The following RUNDC3A variants were observed in gnomAD, a reference collection of about 807,000 sequenced individuals.
RUNDC3A encodes RUN domain containing 3A.
In RUNDC3A, 28 loss-of-function variants were observed where a neutral mutation model predicts 53.9. The observed-to-expected ratio is 0.52, with a 90% CI of 0.38 to 0.71. RUNDC3A has a LOEUF of 0.71. RUNDC3A is among the 30% of genes least tolerant of loss of function. The probability of loss-of-function intolerance (pLI) is 0.00; values close to 1 mark genes in which losing one functional copy is unlikely to be tolerated. For synonymous variants in RUNDC3A, 232 were observed against 249.4 expected (o/e 0.93, Z 0.66); for missense variants, 491 against 597.3 (o/e 0.82, Z 1.85).
chr17:44,315,346 G>T lies in RUNDC3A; in HGVS notation c.795+26G>T. 7.5e-7 allele frequency: 1 copy of T among 1,341,730 alleles called. No individual in the cohort carries two copies. The highest frequency in any genetic ancestry group is 9.6e-7 in the Non-Finnish European group (1 of 1,039,718). The allele number at this position is 1,341,730 out of a possible 1,614,324, so 83.1% of individuals were successfully genotyped here. A position where few individuals can be genotyped will look rare whatever the true frequency, so the allele number is the denominator to read the frequency against. On this transcript the variant is annotated intron_variant, in intron 7 of 10. Transcript: ENST00000426726. This position sits in a 1 kb window ranked among gnomAD's most constrained non-coding sequence, Gnocchi z 6.1. ...GTGCGCGACGCCGGCGGGCCCGGGGGGCGGGCGGGCCGGGCGGGGGATCCG... is the reference window on the plus strand; with the variant it reads ...GTGCGCGACGCCGGCGGGCCCGGGGTGCGGGCGGGCCGGGCGGGGGATCCG...
chr17:44,315,261 A>G lies in RUNDC3A; in HGVS notation c.736A>G (p.Ser246Gly). The G allele has an allele frequency of 6.5e-7, 1 of 1,550,238 alleles. No homozygotes were observed. Among genetic ancestry groups the G allele is most frequent in the Non-Finnish European group, 8.7e-7 (1 of 1,146,676 alleles). The change falls in exon 7 of 11, where the codon AGC becomes GGC. Residue 246 changes from serine to glycine, a missense_variant. Coordinates refer to ENST00000426726, the MANE Select transcript of RUNDC3A (RefSeq NM_001144825.2). The surrounding 1 kb of genome is among the most constrained non-coding windows in gnomAD (Gnocchi z 6.1). ...CCTCCCGCTCGTCACCGATGAGGAC[A>G]GCTGGTACAGCAAGTGGCACAAGAT... ...PYLPLVTDED[S>G]WYSKWHKMEQ...
chr17:44,315,457 C>T lies in RUNDC3A; in HGVS notation c.801C>T (p.Tyr267=). 6.7e-7 allele frequency: 1 copy of T among 1,487,374 alleles called. No homozygotes were observed. The highest frequency in any genetic ancestry group is 8.9e-7 in the Non-Finnish European group (1 of 1,119,614). 92.1% of individuals were successfully genotyped at this position (1,487,374 alleles called of 1,614,324 possible). ...GCTGAGCCGGCGCCCCGCAGGGCTA[C>T]CTGGAGGAGCTGGTGCGTCTGCGCG... ...KFRIVYAQKG[Y]LEELVRLRES... is the part of the protein sequence containing the mutation. The change falls in exon 8 of 11, where the codon TAC becomes TAT. Residue 267 remains tyrosine (Y), a synonymous_variant. Transcript: ENST00000426726. This position sits in a 1 kb window ranked among gnomAD's most constrained non-coding sequence, Gnocchi z 6.1.
Position 44,318,367 on chromosome 17 carries a change from G to A in RUNDC3A, c.*129G>A, listed in dbSNP as rs578158745. On this transcript the variant is annotated 3_prime_UTR_variant, in exon 11 of 11. Transcript: ENST00000426726. ...CTACCCACCCAGCCAGGGTTCTCTC[G>A]GGGAAGATCTCGTCTGCTCACCTTA... The A allele has an allele frequency of 2.7e-5, 29 of 1,073,192 alleles. No individual in the cohort carries two copies. Among genetic ancestry groups the A allele is most frequent in the South Asian group, 7.7e-5 (5 of 65,012 alleles). The allele number at this position is 1,073,192 out of a possible 1,614,324, so 66.5% of individuals were successfully genotyped here.
chr17:44,318,564 C>T lies in RUNDC3A; in HGVS notation c.*326C>T. ...AGGAACTGGTGGCCCAGCTTCCACA[C>T]CCCCACCTCCCAGTCTCTAGCCTCT... On this transcript the variant is annotated 3_prime_UTR_variant, in exon 11 of 11. Coordinates refer to ENST00000426726, the MANE Select transcript of RUNDC3A (RefSeq NM_001144825.2). 3.1e-6 allele frequency: 1 copy of T among 324,730 alleles called. No homozygotes were observed. The highest frequency in any genetic ancestry group is 5.8e-6 in the Non-Finnish European group (1 of 171,044). The allele number at this position is 324,730 out of a possible 1,614,324, so 20.1% of individuals were successfully genotyped here. A position where few individuals can be genotyped will look rare whatever the true frequency, so the allele number is the denominator to read the frequency against.
chr17:44,315,495 A>C lies in RUNDC3A; in HGVS notation c.839A>C (p.Lys280Thr). The C allele has an allele frequency of 6.6e-7, 1 of 1,512,668 alleles. No homozygotes were observed. Among genetic ancestry groups the C allele is most frequent in the Admixed American group, 2.1e-5 (1 of 46,512 alleles). The allele number at this position is 1,512,668 out of a possible 1,614,324, so 93.7% of individuals were successfully genotyped here. Residue 280 changes from lysine (K) to threonine (T), a missense_variant, in exon 8 of 11, where the codon AAG becomes ACG. Coordinates refer to ENST00000426726, the MANE Select transcript of RUNDC3A (RefSeq NM_001144825.2). This position sits in a 1 kb window ranked among gnomAD's most constrained non-coding sequence, Gnocchi z 6.1. ...GTGCGTCTGCGCGAGTCGCAGCTGAAGGACCTGGAGGCGGAGAACCGGCGG... is the reference window on the plus strand; with the variant it reads ...GTGCGTCTGCGCGAGTCGCAGCTGACGGACCTGGAGGCGGAGAACCGGCGG... ...ELVRLRESQL[K>T]DLEAENRRLQ...
intron 10 of RUNDC3A, chr17:44,317,738 C>T (rs1281201625): frequency 1.1e-5 from 7 of 613,350 alleles, no homozygotes; most frequent in African/African-American, 1.8e-5. Context: ...GTGTGTCTGT[C>T]TCCCCCACCA....
In RUNDC3A at chr17:44,316,731, C is replaced by G. The variant is rs890063863; in HGVS notation, c.1198+6C>G. 1.3e-6 allele frequency: 2 copies of G among 1,544,020 alleles called. No homozygotes were observed. The highest frequency in any genetic ancestry group is 2.7e-5 in the African/African-American group (2 of 72,884). ...GGAGCCCTGGGGTCCCATCGGTGAGCTCCCCCAACCCAACACCCAGTACCC... is the reference window on the plus strand; with the variant it reads ...GGAGCCCTGGGGTCCCATCGGTGAGGTCCCCCAACCCAACACCCAGTACCC... On this transcript the variant is annotated splice_donor_region_variant and intron_variant, in intron 10 of 10. Coordinates refer to ENST00000426726, the MANE Select transcript of RUNDC3A (RefSeq NM_001144825.2).
At chr17:44,317,496 C>T (rs759120800) in intron 10 of RUNDC3A, 2 of 780,870 alleles carry the variant, frequency 2.6e-6, no homozygotes, top group South Asian at 2.7e-5. Context: ...AAGCTCAGAG[C>T]CAAATTAGTG....
chr17:44,313,795 C>T (rs974995409), intron 4 of RUNDC3A: 2 of 879,114 alleles, frequency 2.3e-6, no homozygotes, highest in African/African-American at 3.6e-5. Context: ...GATTCTCCTG[C>T]CTCAGCCTCC....
rs1365922440 is a variant in RUNDC3A at position 44,315,875 on chromosome 17, T to G, written c.953+266T>G. Among the ~76,000 whole-genome samples, 1 of 151,990 alleles carries G rather than the reference T, an allele frequency of 6.6e-6. No homozygotes were observed. Among genetic ancestry groups the G allele is most frequent in the Non-Finnish European group, 1.5e-5 (1 of 68,004 alleles). The stretch of plus-strand genomic sequence containing the variant: ...CTTCCGCTAGAGTGGCCATCCAACC[T>G]TACTGCAGGGACCCCACGTCACTCA... On this transcript the variant is annotated intron_variant, in intron 8 of 10. Transcript: ENST00000426726. The surrounding 1 kb of genome is among the most constrained non-coding windows in gnomAD (Gnocchi z 6.1).
chr17:44,316,239 C>G, intron 8 of RUNDC3A, 146 bp from the exon 9 acceptor site: 1 of 689,714 alleles, frequency 1.4e-6, no homozygotes, highest in South Asian at 1.9e-5. Context: ...CACTTCCTCC[C>G]GGGATCTGGC....
intron 10 of RUNDC3A, chr17:44,317,271 A>G: frequency 1.6e-6 from 1 of 617,598 alleles, no homozygotes; most frequent in Non-Finnish European, 2.9e-6. Flanking sequence ...AGCTTGGTCA[A>G]TCACTTTACC....
Position 44,315,366 on chromosome 17 carries a change from G to T in RUNDC3A, c.795+46G>T, listed in dbSNP as rs1337039971. ...CGGGGGGCGGGCGGGCCGGGCGGGG[G>T]ATCCGGGCATCCCGGGGCGGGGCGG... On this transcript the variant is annotated intron_variant, in intron 7 of 10. Coordinates refer to ENST00000426726, the MANE Select transcript of RUNDC3A (RefSeq NM_001144825.2). This position sits in a 1 kb window ranked among gnomAD's most constrained non-coding sequence, Gnocchi z 6.1. 1 of 1,204,122 alleles carries T rather than the reference G, an allele frequency of 8.3e-7. No individual in the cohort carries two copies. 74.6% of individuals were successfully genotyped at this position (1,204,122 alleles called of 1,614,324 possible). A position where few individuals can be genotyped will look rare whatever the true frequency, so the allele number is the denominator to read the frequency against.
At position 44,316,855 on chromosome 17, in the gene RUNDC3A, C is replaced by T. The variant is rs1295425265; in HGVS notation, c.1198+130C>T. 6.4e-6 allele frequency: 4 copies of T among 623,468 alleles called. No individual in the cohort carries two copies. In the African/African-American group the frequency reaches 8.1e-5, roughly 13 times the overall value. 38.6% of individuals were successfully genotyped at this position (623,468 alleles called of 1,614,324 possible). Reference sequence around the variant, plus strand: ...TTTTTTTTTTTGAGACGGAGTCTCACTCTGTCATCCAAGTTGGAGTGCAGT... The same window carrying T: ...TTTTTTTTTTTGAGACGGAGTCTCATTCTGTCATCCAAGTTGGAGTGCAGT... On this transcript the variant is annotated intron_variant, in intron 10 of 10. Transcript: ENST00000426726.
chr17:44,317,550 G>T (rs2047893220), intron 10 of RUNDC3A: 1 of 780,724 alleles, frequency 1.3e-6, no homozygotes, highest in Non-Finnish European at 2.4e-6. Context: ...CATGCACTTT[G>T]TGTTGACCTC....
chr17:44,313,147 G>C lies in RUNDC3A; in HGVS notation c.267G>C (p.Gly89=), dbSNP rs912142442. The stretch of plus-strand genomic sequence containing the variant: ...CAGTGAGCTGGTTCAGCTCAGACGG[G>C]CAGCGGGGCTTTTGGGACTATATCC... ...AGPVSWFSSD[G]QRGFWDYIRL... The change falls in exon 3 of 11, where the codon GGG becomes GGC. Residue 89 remains glycine (G), a synonymous_variant. Coordinates refer to ENST00000426726, the MANE Select transcript of RUNDC3A (RefSeq NM_001144825.2). 1 of 1,613,954 alleles carries C rather than the reference G, an allele frequency of 6.2e-7. No individual in the cohort carries two copies.
At position 44,315,100 on chromosome 17, in the gene RUNDC3A, C is replaced by T. The variant is rs2047830831; in HGVS notation, c.630-55C>T. ...GTCCCACCGCCCTCAGCGGCCAGCGCAGACGCGCGGGGGGAGGGGCGGGAC... is the reference window on the plus strand; with the variant it reads ...GTCCCACCGCCCTCAGCGGCCAGCGTAGACGCGCGGGGGGAGGGGCGGGAC... On this transcript the variant is annotated intron_variant, in intron 6 of 10. Transcript: ENST00000426726. The surrounding 1 kb of genome is among the most constrained non-coding windows in gnomAD (Gnocchi z 6.1). The T allele has an allele frequency of 6.2e-7, 1 of 1,604,332 alleles. No individual in the cohort carries two copies.
Position 44,315,459 on chromosome 17 carries a change from TG to T in RUNDC3A, c.805del (p.Glu269ArgfsTer11). The T allele has an allele frequency of 6.7e-7, 1 of 1,487,788 alleles. No homozygotes were observed. Among genetic ancestry groups the T allele is most frequent in the Non-Finnish European group, 8.9e-7 (1 of 1,119,830 alleles). The allele number at this position is 1,487,788 out of a possible 1,614,324, so 92.2% of individuals were successfully genotyped here. A position where few individuals can be genotyped will look rare whatever the true frequency, so the allele number is the denominator to read the frequency against. ...FRIVYAQKGYLEELVRLRESQ... is the reference protein window; with the variant it reads ...FRIVYAQKGYXEELVRLRESQ... ...TGAGCCGGCGCCCCGCAGGGCTACC[TG>T]GAGGAGCTGGTGCGTCTGCGCGAGT... On this transcript the variant is annotated frameshift_variant, in exon 8 of 11. Transcript: ENST00000426726. LOFTEE classifies it high-confidence loss of function. This position sits in a 1 kb window ranked among gnomAD's most constrained non-coding sequence, Gnocchi z 6.1.
chr17:44,314,781 A>G lies in RUNDC3A; in HGVS notation c.505A>G (p.Ile169Val). The G allele has an allele frequency of 6.2e-7, 1 of 1,609,928 alleles. No individual in the cohort carries two copies. Among genetic ancestry groups the G allele is most frequent in the Non-Finnish European group, 8.5e-7 (1 of 1,179,046 alleles). Residue 169 changes from isoleucine to valine, a missense_variant, in exon 5 of 11, where the codon ATC becomes GTC. Physicochemically the swap from Ile to Val is conservative, Grantham distance 29 (BLOSUM62 3). Coordinates refer to ENST00000426726, the MANE Select transcript of RUNDC3A (RefSeq NM_001144825.2). The stretch of plus-strand genomic sequence containing the variant: ...CATCATGCTGCGGGATGAAGCCACC[A>G]TCCTCACCGGAATGCTGATCGGACT... ...GAIMLRDEAT[I>V]LTGMLIGLSA... is the part of the protein sequence containing the mutation.
Sources: allele counts gnomAD v4.1 joint callset (sites outside exome capture counted in the v4.1 genomes callset), GRCh38; gene constraint gnomAD v4.1.1; non-coding constraint Gnocchi (gnomAD v3.1); transcripts MANE v1.5; gene names NCBI Gene and HGNC (gene_info 2026-07-23, HGNC 2026-07-21).